The following GNA14 variants were observed in gnomAD, a reference collection of about 807,000 sequenced individuals.
The protein encoded by GNA14 is G protein subunit alpha 14.
A neutral mutation model predicts 42.0 loss-of-function variants in GNA14; 50 were observed. That is an observed-to-expected ratio of 1.19 (90% CI 0.95 to 1.51). The LOEUF (loss-of-function observed/expected upper bound fraction) is 1.51. Ranked by LOEUF, GNA14 falls within the 40% of genes most tolerant of loss-of-function variation. GNA14 has a pLI of 0.00. For missense variants in GNA14, 473 were observed against 446.2 expected, an observed-to-expected ratio of 1.06 and a Z score of -0.54; for synonymous variants, 173 against 163.1, an observed-to-expected ratio of 1.06 and a Z score of -0.46.
At chr9:77,616,521 A>G (rs977556392) in intron 1 of GNA14, among the ~76,000 whole-genome samples, 3 of 152,180 alleles carry the variant, frequency 2.0e-5, no homozygotes, top group Admixed American at 6.5e-5. Context: ...AGATGGGGGC[A>G]CTCAGGGGCA....
intron 1 of GNA14, among the ~76,000 whole-genome samples, chr9:77,640,897 AG>A (rs1224168774): frequency 1.5e-4 from 22 of 148,148 alleles, no homozygotes; most frequent in African/African-American, 5.0e-4. Flanking sequence ...AAAAAACAAC[AG>A]ACAGAGGCAT....
chr9:77,460,217 C>G (rs928163335), intron 2 of GNA14, among the ~76,000 whole-genome samples: 6 of 152,116 alleles, frequency 3.9e-5, no homozygotes, highest in Non-Finnish European at 7.3e-5. Flanking sequence ...AGGATGGACC[C>G]CAAATCCAAT....
At chr9:77,540,364 G>C (rs1837644671) in intron 1 of GNA14, among the ~76,000 whole-genome samples, 1 of 152,012 alleles carries the variant, frequency 6.6e-6, no homozygotes, top group Non-Finnish European at 1.5e-5. Context: ...TTTTTAAAAT[G>C]TGTTGAGGCT....
chr9:77,592,310 T>A (rs1438280107), intron 1 of GNA14, among the ~76,000 whole-genome samples: 1 of 152,146 alleles, frequency 6.6e-6, no homozygotes, highest in Non-Finnish European at 1.5e-5. Flanking sequence ...GTGTGTGTGC[T>A]TACACGCGCA....
intron 2 of GNA14, among the ~76,000 whole-genome samples, chr9:77,470,522 T>C (rs1021032356): frequency 2.0e-5 from 3 of 152,258 alleles, no homozygotes; most frequent in Admixed American, 2.0e-4. Flanking sequence ...GGTATTAACA[T>C]ATCCACAAAC....
At chr9:77,582,784 T>C (rs891860109) in intron 1 of GNA14, among the ~76,000 whole-genome samples, 2 of 152,190 alleles carry the variant, frequency 1.3e-5, no homozygotes, top group African/African-American at 4.8e-5. Context: ...TACGTATCTG[T>C]GCTTGCCTAA....
chr9:77,610,709 T>C (rs1823716736), intron 1 of GNA14, among the ~76,000 whole-genome samples: 1 of 152,206 alleles, frequency 6.6e-6, no homozygotes, highest in African/African-American at 2.4e-5. Context: ...TTTGATCAAA[T>C]GATAGCAACC....
intron 1 of GNA14, among the ~76,000 whole-genome samples, chr9:77,618,589 TA>T (rs1465503518): frequency 1.3e-4 from 2 of 15,034 alleles, no homozygotes; most frequent in African/African-American, 4.7e-4. Context: ...TGAATATATA[TA>T]TATATATATA....
At position 77,423,680 on chromosome 9, in the gene GNA14, AAATC is replaced by A. The variant is rs566618051; in HGVS notation, c.*295_*298del. ...GCTATTTTTAAACATATTTAAAACT[AAATC>A]AAAGTGGCTTTTAAAAATTCTAGAA... is the stretch of plus-strand genomic sequence containing the variant. On this transcript the variant is annotated 3_prime_UTR_variant, in exon 7 of 7. Transcript: ENST00000341700. The A allele has an allele frequency of 1.3e-4, 24 of 189,504 alleles. 1 individual carries two copies. Among genetic ancestry groups the A allele is most frequent in the Admixed American group, 9.2e-4 (15 of 16,376 alleles). 11.7% of individuals were successfully genotyped at this position (189,504 alleles called of 1,614,324 possible). A position where few individuals can be genotyped will look rare whatever the true frequency, so the allele number is the denominator to read the frequency against.
At chr9:77,427,281 T>G (rs1169283357) in intron 5 of GNA14, among the ~76,000 whole-genome samples, 1 of 151,864 alleles carries the variant, frequency 6.6e-6, no homozygotes, top group African/African-American at 2.4e-5. Context: ...TGAAACAAAT[T>G]TGCAGCTATT....
chr9:77,550,134 T>A (rs1312825136), intron 1 of GNA14, among the ~76,000 whole-genome samples: 1 of 152,178 alleles, frequency 6.6e-6, no homozygotes, highest in African/African-American at 2.4e-5. Flanking sequence ...GGGGTTTCCA[T>A]TGGTAACCCT....
chr9:77,548,078 A>C (rs11145473), intron 1 of GNA14, among the ~76,000 whole-genome samples: 2,399 of 152,258 alleles, frequency 0.016, 69 homozygotes, highest in African/African-American at 0.054. Flanking sequence ...AAGGTGCCTG[A>C]ATCAGTTTCT....
intron 1 of GNA14, among the ~76,000 whole-genome samples, chr9:77,535,939 T>G (rs1837591803): frequency 6.6e-6 from 1 of 150,546 alleles, no homozygotes; most frequent in African/African-American, 2.4e-5. Context: ...TCTGCATGAA[T>G]AAAATACCCC....
intron 1 of GNA14, among the ~76,000 whole-genome samples, chr9:77,631,194 G>A (rs1824093983): frequency 6.6e-6 from 1 of 151,988 alleles, no homozygotes; most frequent in South Asian, 2.1e-4. Context: ...CCATCTTATG[G>A]TAAAATATGG....
chr9:77,561,270 C>G (rs1238741111), intron 1 of GNA14, among the ~76,000 whole-genome samples: 3 of 152,118 alleles, frequency 2.0e-5, no homozygotes, highest in Non-Finnish European at 2.9e-5. Context: ...TTAATCTATC[C>G]CATTCTGTGG....
chr9:77,438,871 G>A lies in GNA14; in HGVS notation c.310-4349C>T, dbSNP rs575823800. ...ACTTCCTAAAAACAAGGACATCATC[G>A]TGCATAATCACAGTATAATGATCAG... On this transcript the variant is annotated intron_variant, in intron 2 of 6. Transcript: ENST00000341700. Among the ~76,000 whole-genome samples, 4 of 152,238 alleles carry A rather than the reference G, an allele frequency of 2.6e-5. No homozygotes were observed. The South Asian group carries it at 8.3e-4, about 32-fold the overall frequency.
intron 1 of GNA14, among the ~76,000 whole-genome samples, chr9:77,646,348 C>G (rs913546382): frequency 3.3e-5 from 5 of 152,158 alleles, no homozygotes; most frequent in Non-Finnish European, 7.4e-5. Context: ...TTCATTCCAT[C>G]CAGGTCTTGG....
intron 2 of GNA14, among the ~76,000 whole-genome samples, chr9:77,455,900 G>A (rs966167400): frequency 6.6e-6 from 1 of 152,076 alleles, no homozygotes; most frequent in African/African-American, 2.4e-5. Context: ...TTCCCCCACA[G>A]GCCCCTGCCC....
intron 1 of GNA14, among the ~76,000 whole-genome samples, chr9:77,640,871 CAAAA>C (rs1178043976): frequency 3.7e-5 from 1 of 27,370 alleles, no homozygotes; most frequent in Non-Finnish European, 7.6e-5. Context: ...ATAAAATGCT[CAAAA>C]AAAAAAAAAA....
Sources: gnomAD v4.1 joint callset for allele counts (sites outside exome capture counted in the v4.1 genomes callset) on GRCh38, gnomAD v4.1.1 for gene constraint, MANE v1.5 for transcripts, NCBI Gene and HGNC (gene_info 2026-07-23, HGNC 2026-07-21) for gene names.